The following YTHDC1 variants were observed in gnomAD, a reference collection of about 807,000 sequenced individuals.
YTHDC1 encodes YTH N6-methyladenosine RNA binding protein C1, also known as YTH domain-containing protein 1.
Under a neutral mutation model 107.0 loss-of-function variants are expected in YTHDC1, and 12 were observed. The observed-to-expected ratio is 0.11, with a 90% CI of 0.07 to 0.18. The LOEUF (loss-of-function observed/expected upper bound fraction) is 0.18, where lower values mean the gene tolerates loss of function less well. Ranked by LOEUF, YTHDC1 falls within the 10% of genes least tolerant of loss-of-function variation. YTHDC1 has a pLI of 1.00. For synonymous variants in YTHDC1, 280 were observed against 289.5 expected (o/e 0.97, Z 0.33); for missense variants, 635 against 898.8 (o/e 0.71, Z 3.75).
chr4:68,325,793 A>G (rs1189130526), intron 9 of YTHDC1, among the ~76,000 whole-genome samples: 1 of 152,160 alleles, frequency 6.6e-6, no homozygotes, highest in Non-Finnish European at 1.5e-5. Context: ...ATATTCTGTG[A>G]TGGAGGTGAT....
At chr4:68,344,265 T>G (rs1256600357) in intron 1 of YTHDC1, among the ~76,000 whole-genome samples, 1 of 152,050 alleles carries the variant, frequency 6.6e-6, no homozygotes, top group South Asian at 2.1e-4. Flanking sequence ...TACTTTATCT[T>G]TATCTGCCAG....
chr4:68,337,986 C>A, intron 2 of YTHDC1, 86 bp from the exon 3 acceptor site: 1 of 1,499,164 alleles, frequency 6.7e-7, no homozygotes, highest in Non-Finnish European at 8.8e-7. Flanking sequence ...ATATATACAT[C>A]AGGAAGGGGG....
chr4:68,332,362 C>G (rs569957448), intron 6 of YTHDC1, among the ~76,000 whole-genome samples, 165 bp from the exon 7 acceptor site: 1 of 152,166 alleles, frequency 6.6e-6, no homozygotes, highest in South Asian at 2.1e-4. Flanking sequence ...TAAAGCAAAG[C>G]TAAGAAAAGA....
intron 16 of YTHDC1, 84 bp downstream of exon 16, chr4:68,316,230 C>A (rs754471724): frequency 9.9e-6 from 14 of 1,420,422 alleles, no homozygotes; most frequent in Non-Finnish European, 1.3e-5. Context: ...GTCCGTCAAT[C>A]ATCATACTCT....
rs936211150 is a variant in YTHDC1 at position 68,310,608 on chromosome 4, A to G, written c.*3491T>C. The G allele has an allele frequency of 6.6e-6, 1 of 152,186 alleles. No homozygotes were observed. The highest frequency in any genetic ancestry group is 1.5e-5 in the Non-Finnish European group (1 of 68,036). The allele number at this position is 152,186 out of a possible 1,614,324, so 9.4% of individuals were successfully genotyped here. ...TATTCCTACTATAAGGAACTTGGGG[A>G]CTAAACTTGAGCCAGTTCTTTCCTG... On this transcript the variant is annotated 3_prime_UTR_variant, in exon 17 of 17. Coordinates refer to ENST00000344157, the MANE Select transcript of YTHDC1 (RefSeq NM_001031732.4).
At chr4:68,333,250 G>C in intron 5 of YTHDC1, 58 bp downstream of exon 5, 1 of 1,350,180 alleles carries the variant, frequency 7.4e-7, no homozygotes. Flanking sequence ...GCCTCCACAC[G>C]CTTTCTAAAG....
chr4:68,329,974 G>A (rs376213898), intron 9 of YTHDC1, 28 bp downstream of exon 9: 9 of 1,541,622 alleles, frequency 5.8e-6, no homozygotes, highest in South Asian at 1.1e-5. Flanking sequence ...CAAAATTTCA[G>A]TTATCTATAC....
chr4:68,346,614 T>C (rs2109750408), intron 1 of YTHDC1, among the ~76,000 whole-genome samples: 2 of 152,308 alleles, frequency 1.3e-5, no homozygotes, highest in Non-Finnish European at 2.9e-5. Flanking sequence ...GGTCAACAAA[T>C]ATTTGCATTG....
intron 12 of YTHDC1, among the ~76,000 whole-genome samples, chr4:68,319,161 G>GT (rs2109683603): frequency 6.6e-6 from 1 of 152,256 alleles, no homozygotes; most frequent in South Asian, 2.1e-4. Flanking sequence ...CACAGGGAAG[G>GT]TAAGGGCAGA....
chr4:68,310,572 C>CT lies in YTHDC1; in HGVS notation c.*3526dup, dbSNP rs1358395798. 6 of 152,192 alleles carry CT rather than the reference C, an allele frequency of 3.9e-5. No homozygotes were observed. The highest frequency in any genetic ancestry group is 6.5e-5 in the Admixed American group (1 of 15,284). The allele number at this position is 152,192 out of a possible 1,614,324, so 9.4% of individuals were successfully genotyped here. Reference sequence around the variant, plus strand: ...ATACTATGCATGGATTGCTTATACTCTAAGGATTCCTATTCCTACTATAAG... The same window carrying CT: ...ATACTATGCATGGATTGCTTATACTCTTAAGGATTCCTATTCCTACTATAAG... On this transcript the variant is annotated 3_prime_UTR_variant, in exon 17 of 17. Transcript: ENST00000344157.
In YTHDC1 at chr4:68,349,885, C is replaced by A; in HGVS notation, c.-132G>T. 1 of 1,221,474 alleles carries A rather than the reference C, an allele frequency of 8.2e-7. No homozygotes were observed. The highest frequency in any genetic ancestry group is 1.2e-6 in the Non-Finnish European group (1 of 847,668). The allele number at this position is 1,221,474 out of a possible 1,614,324, so 75.7% of individuals were successfully genotyped here. A position where few individuals can be genotyped will look rare whatever the true frequency, so the allele number is the denominator to read the frequency against. ...GCCCGGATACGCGCGTCGCACTTGG[C>A]CTCTTAACACTCAGCCTTCTCGACT... is the stretch of plus-strand genomic sequence containing the variant. On this transcript the variant is annotated 5_prime_UTR_variant, in exon 1 of 17. Transcript: ENST00000344157.
At chr4:68,325,661 C>A (rs1419849198) in intron 9 of YTHDC1, among the ~76,000 whole-genome samples, 1 of 152,104 alleles carries the variant, frequency 6.6e-6, no homozygotes, top group Admixed American at 6.5e-5. Context: ...AGGATTACAG[C>A]TGTGAGCCAC....
rs1341325891 is a variant in YTHDC1 at position 68,310,801 on chromosome 4, T to C, written c.*3298A>G. The C allele has an allele frequency of 6.6e-6, 1 of 152,202 alleles. No homozygotes were observed. The highest frequency in any genetic ancestry group is 1.9e-4 in the East Asian group (1 of 5,188). The allele number at this position is 152,202 out of a possible 1,614,324, so 9.4% of individuals were successfully genotyped here. A position where few individuals can be genotyped will look rare whatever the true frequency, so the allele number is the denominator to read the frequency against. On this transcript the variant is annotated 3_prime_UTR_variant, in exon 17 of 17. Transcript: ENST00000344157. ...TTAACTGCTGGCAACAGTTCCTTCT[T>C]CAATTCCATGCCCCTGAGGACTCTT...
chr4:68,347,429 G>A (rs1725573964), intron 1 of YTHDC1, among the ~76,000 whole-genome samples: 1 of 152,174 alleles, frequency 6.6e-6, no homozygotes, highest in Admixed American at 6.5e-5. Flanking sequence ...ATCACAGGGA[G>A]CTAGCAATCT....
chr4:68,318,535 G>A lies in YTHDC1; in HGVS notation c.1808C>T (p.Pro603Leu), dbSNP rs771155552. The A allele has an allele frequency of 6.2e-7, 1 of 1,612,442 alleles. No individual in the cohort carries two copies. Among genetic ancestry groups the A allele is most frequent in the East Asian group, 2.2e-5 (1 of 44,848 alleles). The change falls in exon 15 of 17, where the codon CCA becomes CTA. Residue 603 changes from proline to leucine, a missense_variant. By Grantham distance (98) the Pro-to-Leu change is moderately conservative. Coordinates refer to ENST00000344157, the MANE Select transcript of YTHDC1 (RefSeq NM_001031732.4). ...VREFHNMGPP[P>L]PWQGMPPYPG... is the part of the protein sequence containing the mutation. ...AATACAAACCATTCCTTGCCAAGGT[G>A]GTGGTGGTCCCATGTTATGAAATTC...
chr4:68,326,499 T>C (rs771801143), intron 9 of YTHDC1, among the ~76,000 whole-genome samples: 1 of 152,192 alleles, frequency 6.6e-6, no homozygotes, highest in African/African-American at 2.4e-5. Context: ...ATACAACTTA[T>C]CTTTACTGTG....
rs1578075947 is a variant in YTHDC1, at chr4:68,343,646, C to T, written c.29-5262G>A. Reference sequence around the variant, plus strand: ...CGCCTCTGAGGTTCAAGCAATTCTCCCTGCCTCAGCCTCCCAAGTAGCTGG... The same window carrying T: ...CGCCTCTGAGGTTCAAGCAATTCTCTCTGCCTCAGCCTCCCAAGTAGCTGG... On this transcript the variant is annotated intron_variant, in intron 1 of 16. Coordinates refer to ENST00000344157, the MANE Select transcript of YTHDC1 (RefSeq NM_001031732.4). 5.9e-5 allele frequency among the ~76,000 whole-genome samples: 9 copies of T among 151,528 alleles called. No homozygotes were observed. The South Asian group carries it at 1.9e-3, about 32-fold the overall frequency.
chr4:68,317,897 A>G (rs956849455), intron 15 of YTHDC1, among the ~76,000 whole-genome samples: 1 of 152,224 alleles, frequency 6.6e-6, no homozygotes, highest in Non-Finnish European at 1.5e-5. Flanking sequence ...CAGATGAGGA[A>G]AACTAAGAGT....
intron 4 of YTHDC1, among the ~76,000 whole-genome samples, chr4:68,335,532 T>A (rs2109723831): frequency 6.6e-6 from 1 of 152,254 alleles, no homozygotes; most frequent in Admixed American, 6.5e-5. Context: ...AGGAGCCTGT[T>A]ACAAATGCAA....
Sources: allele counts gnomAD v4.1 joint callset (sites outside exome capture counted in the v4.1 genomes callset), GRCh38; gene constraint gnomAD v4.1.1; transcripts MANE v1.5; gene names NCBI Gene and HGNC (gene_info 2026-07-23, HGNC 2026-07-21).